PUDP: variants seen among roughly 807,000 people sequenced by gnomAD.
PUDP encodes pseudouridine 5'-phosphatase.
A neutral mutation model predicts 9.4 loss-of-function variants in PUDP; 8 were observed. The observed-to-expected ratio is 0.85, with a 90% CI of 0.50 to 1.53. PUDP has a LOEUF of 1.53. PUDP is among the 40% of genes most tolerant of loss of function. PUDP has a pLI of 0.00. For missense variants in PUDP, 188 were observed against 189.7 expected (o/e 0.99, Z 0.05); for synonymous variants, 99 against 80.7 (o/e 1.23, Z -1.22).
chrX:6,766,389 T>C (rs1351443407), intron 3 of PUDP, among the ~76,000 whole-genome samples: 1 of 112,005 alleles, frequency 8.9e-6, no homozygotes, highest in Non-Finnish European at 1.9e-5. Flanking sequence ...AACCAAAAAT[T>C]AGAACATTTG....
At chrX:7,074,704 T>C (rs920792665) in intron 3 of PUDP, among the ~76,000 whole-genome samples, 1 of 112,394 alleles carries the variant, frequency 8.9e-6, no homozygotes, top group Admixed American at 9.4e-5. Flanking sequence ...AGCCTGAAGC[T>C]ATGGAATAAT....
intron 3 of PUDP, among the ~76,000 whole-genome samples, chrX:6,795,478 G>C (rs754657513): frequency 6.3e-5 from 7 of 111,539 alleles, no homozygotes; most frequent in African/African-American, 2.3e-4. Flanking sequence ...CATGGGGGCT[G>C]TGTAAAGGGC....
intron 2 of PUDP, among the ~76,000 whole-genome samples, chrX:7,081,218 C>G (rs368393611): frequency 1.8e-5 from 2 of 111,671 alleles, no homozygotes; most frequent in East Asian, 5.6e-4. Context: ...GGAGCAGAGT[C>G]AAACAATCAT....
intron 2 of PUDP, among the ~76,000 whole-genome samples, chrX:7,101,965 A>T (rs371164290): frequency 5.4e-5 from 6 of 111,473 alleles, no homozygotes; most frequent in African/African-American, 1.6e-4. Context: ...AATCATGAAG[A>T]CAGAGAATCC....
intron 1 of PUDP, among the ~76,000 whole-genome samples, chrX:7,014,371 A>G (rs1929519478): frequency 9.0e-6 from 1 of 110,563 alleles, no homozygotes; most frequent in Admixed American, 9.6e-5. Flanking sequence ...GTCCATATCA[A>G]TTTCATGAAT....
At chrX:6,921,263 G>A (rs765599759) in intron 3 of PUDP, among the ~76,000 whole-genome samples, 3 of 109,989 alleles carry the variant, frequency 2.7e-5, no homozygotes, top group African/African-American at 9.9e-5. Flanking sequence ...CAAACCCCTG[G>A]CCCCAGCTAC....
intron 1 of PUDP, among the ~76,000 whole-genome samples, chrX:6,709,451 A>C (rs188431404): frequency 8.9e-5 from 10 of 112,056 alleles, no homozygotes; most frequent in Non-Finnish European, 1.9e-4. Flanking sequence ...CTTTTAGTCC[A>C]TCTGCTTTGG....
At chrX:6,962,061 A>G (rs1928716403) in intron 3 of PUDP, among the ~76,000 whole-genome samples, 1 of 112,101 alleles carries the variant, frequency 8.9e-6, no homozygotes, top group African/African-American at 3.2e-5. Flanking sequence ...AGAACTAACA[A>G]GTAAAACAAT....
At chrX:7,038,082 C>T (rs1929876721) in intron 1 of PUDP, among the ~76,000 whole-genome samples, 1 of 111,716 alleles carries the variant, frequency 9.0e-6, no homozygotes. Flanking sequence ...CAGCCACATT[C>T]AATTCTAAGC....
chrX:6,714,435 C>A (rs1924571423), intron 1 of PUDP, among the ~76,000 whole-genome samples: 1 of 111,281 alleles, frequency 9.0e-6, no homozygotes, highest in South Asian at 3.8e-4. Flanking sequence ...GGAGGATACA[C>A]ATGTGTGTAA....
chrX:6,872,138 C>T (rs1927184071), intron 3 of PUDP, among the ~76,000 whole-genome samples: 1 of 110,910 alleles, frequency 9.0e-6, no homozygotes, highest in South Asian at 3.9e-4. Flanking sequence ...TTAACATCAT[C>T]ACCTTGGGGG....
intron 3 of PUDP, among the ~76,000 whole-genome samples, chrX:6,891,897 T>C (rs1416076112): frequency 9.0e-6 from 1 of 111,673 alleles, no homozygotes; most frequent in African/African-American, 3.3e-5. Context: ...GTCAACTTTC[T>C]CAACCAAGTC....
intron 3 of PUDP, among the ~76,000 whole-genome samples, chrX:6,748,810 A>G (rs114331800): frequency 0.013 from 1,448 of 112,096 alleles, 28 homozygotes; most frequent in African/African-American, 0.045. Flanking sequence ...GTAGGTGTGG[A>G]CAAATTTGTG....
chrX:6,726,455 A>G (rs915102296), upstream of PUDP, among the ~76,000 whole-genome samples: 11 of 112,070 alleles, frequency 9.8e-5, no homozygotes, highest in African/African-American at 2.9e-4. Context: ...CGAAGAAATG[A>G]TAAACGTTTG....
At chrX:6,919,849 A>T (rs1383904081) in intron 3 of PUDP, among the ~76,000 whole-genome samples, 4 of 77,679 alleles carry the variant, frequency 5.1e-5, no homozygotes, top group African/African-American at 2.0e-4. Context: ...ACAGAGCAAG[A>T]CTCCATCTCA....
At chrX:6,851,593 C>G (rs758043246) in intron 3 of PUDP, among the ~76,000 whole-genome samples, 1 of 111,381 alleles carries the variant, frequency 9.0e-6, no homozygotes, top group Non-Finnish European at 1.9e-5. Flanking sequence ...TTCCTAGTTA[C>G]GATAATTACA....
chrX:6,837,085 T>C (rs1381721667), intron 3 of PUDP, among the ~76,000 whole-genome samples: 1 of 112,500 alleles, frequency 8.9e-6, no homozygotes, highest in Non-Finnish European at 1.9e-5. Flanking sequence ...GTAGTTTCAG[T>C]GTCCTTGTTT....
chrX:6,766,577 C>G (rs1220188428), intron 3 of PUDP, among the ~76,000 whole-genome samples: 1 of 111,549 alleles, frequency 9.0e-6, no homozygotes, highest in Admixed American at 9.5e-5. Context: ...GAAGGTTACG[C>G]AAAGACATAA....
intron 1 of PUDP, among the ~76,000 whole-genome samples, chrX:7,035,787 G>T (rs1390692971): frequency 1.8e-5 from 2 of 111,820 alleles, no homozygotes; most frequent in Non-Finnish European, 3.8e-5. Flanking sequence ...GGACTGTTAA[G>T]GTTTGGATAT....
Sources: gnomAD v4.1 joint callset for allele counts (sites outside exome capture counted in the v4.1 genomes callset) on GRCh38, gnomAD v4.1.1 for gene constraint, MANE v1.5 for transcripts, NCBI Gene and HGNC (gene_info 2026-07-23, HGNC 2026-07-21) for gene names.